RAPGEF6: variants seen among roughly 807,000 people sequenced by gnomAD.
RAPGEF6 encodes the protein PDZ domain containing guanine nucleotide exchange factor (GEF) 2.
Under a neutral mutation model 171.4 loss-of-function variants are expected in RAPGEF6, and 56 were observed. That is an observed-to-expected ratio of 0.33 (90% CI 0.26 to 0.41). RAPGEF6 has a LOEUF of 0.41. Ranked by LOEUF, RAPGEF6 falls within the 10% of genes least tolerant of loss-of-function variation. The pLI, the probability that RAPGEF6 is intolerant of heterozygous loss-of-function variation, is 1.00. For missense variants in RAPGEF6, 1,674 were observed against 1,921.4 expected (o/e 0.87, Z 2.41); for synonymous variants, 692 against 650.1 (o/e 1.06, Z -0.98).
At chr5:131,564,235 G>A (rs184798781) in intron 4 of RAPGEF6, among the ~76,000 whole-genome samples, 2 of 152,274 alleles carry the variant, frequency 1.3e-5, no homozygotes. Context: ...AAGAGATACG[G>A]GGAGAGAGAG....
At chr5:131,481,225 C>CT (rs887732156) in intron 15 of RAPGEF6, among the ~76,000 whole-genome samples, 13 of 149,020 alleles carry the variant, frequency 8.7e-5, no homozygotes, top group Non-Finnish European at 1.0e-4. Flanking sequence ...ATGCCTGGCC[C>CT]TTTTTTTTTC....
chr5:131,505,155 T>C (rs1412713453), intron 10 of RAPGEF6, among the ~76,000 whole-genome samples: 1 of 152,154 alleles, frequency 6.6e-6, no homozygotes, highest in Non-Finnish European at 1.5e-5. Flanking sequence ...CAAACCAGCA[T>C]TTATTTGGTA....
chr5:131,464,276 G>A lies in RAPGEF6; in HGVS notation c.2245C>T (p.Pro749Ser). 1 of 1,608,784 alleles carries A rather than the reference G, an allele frequency of 6.2e-7. No individual in the cohort carries two copies. The highest frequency in any genetic ancestry group is 8.5e-7 in the Non-Finnish European group (1 of 1,176,300). ...TTGAAAACTCTTATAACTTGATCAG[G>A]GATATCTACATAAATAGAAAGATAT... ...MLDFSNPSDI[P>S]DQVIRVFKVD... The change falls in exon 18 of 28, where the codon CCT (proline) becomes TCT (serine). Residue 749 changes from proline to serine, a missense_variant. Physicochemically the swap from Pro to Ser is moderately conservative, Grantham distance 74 (BLOSUM62 -1). Coordinates refer to ENST00000509018, the MANE Select transcript of RAPGEF6 (RefSeq NM_016340.6).
At chr5:131,522,812 G>A (rs977122441) in intron 6 of RAPGEF6, among the ~76,000 whole-genome samples, 1 of 152,190 alleles carries the variant, frequency 6.6e-6, no homozygotes, top group Non-Finnish European at 1.5e-5. Flanking sequence ...GCCTAGGATG[G>A]AAGGGCCATC....
chr5:131,590,593 A>C (rs1763531797), intron 4 of RAPGEF6, among the ~76,000 whole-genome samples: 1 of 152,188 alleles, frequency 6.6e-6, no homozygotes, highest in East Asian at 1.9e-4. Flanking sequence ...TCTTTCACAC[A>C]AAAGATAAAT....
intron 22 of RAPGEF6, among the ~76,000 whole-genome samples, chr5:131,444,926 GCTTTTACCTTTAA>G (rs1200363460): frequency 6.6e-6 from 1 of 152,170 alleles, no homozygotes; most frequent in Non-Finnish European, 1.5e-5. Flanking sequence ...TACTCTTTCA[GCTTTTACCTTTAA>G]CATGTACCAT....
intron 6 of RAPGEF6, among the ~76,000 whole-genome samples, chr5:131,523,305 T>A (rs1203061623): frequency 4.3e-4 from 59 of 136,382 alleles, no homozygotes; most frequent in African/African-American, 1.5e-3. Flanking sequence ...TTTTTTTTTT[T>A]ACATCTTTTT....
intron 2 of RAPGEF6, among the ~76,000 whole-genome samples, chr5:131,603,533 G>A (rs1764378056): frequency 6.6e-6 from 1 of 151,752 alleles, no homozygotes; most frequent in African/African-American, 2.4e-5. Flanking sequence ...ATATTCAGTG[G>A]CATCAACCTT....
intron 5 of RAPGEF6, among the ~76,000 whole-genome samples, chr5:131,561,281 T>C (rs1248088613): frequency 6.6e-6 from 1 of 152,208 alleles, no homozygotes; most frequent in Non-Finnish European, 1.5e-5. Flanking sequence ...CTTTTTACTT[T>C]TCTCTACTTC....
intron 4 of RAPGEF6, among the ~76,000 whole-genome samples, chr5:131,570,742 AGTAAAATACTCTCTCTATAT>A (rs1193574964): frequency 2.0e-5 from 3 of 152,170 alleles, no homozygotes; most frequent in Admixed American, 6.5e-5. Context: ...TTAAATTTTA[AGTAAAATACTCTCTCTATAT>A]GTAAAATACT....
chr5:131,440,834 C>G (rs747207033), intron 23 of RAPGEF6, among the ~76,000 whole-genome samples: 2 of 151,246 alleles, frequency 1.3e-5, no homozygotes, highest in Non-Finnish European at 2.9e-5. Flanking sequence ...AAAACCAGAG[C>G]TAACTTTGTC....
At chr5:131,538,065 CTAGTT>C (rs1478342424) in intron 6 of RAPGEF6, among the ~76,000 whole-genome samples, 1 of 152,132 alleles carries the variant, frequency 6.6e-6, no homozygotes, top group Non-Finnish European at 1.5e-5. Flanking sequence ...GCATTCTAGT[CTAGTT>C]GACAGCGAGA....
At chr5:131,510,220 C>G in intron 8 of RAPGEF6, 94 bp downstream of exon 8, 1 of 1,268,168 alleles carries the variant, frequency 7.9e-7, no homozygotes, top group South Asian at 1.5e-5. Context: ...ACACAACACA[C>G]ATTTATTAAG....
chr5:131,613,275 T>C (rs901461562), intron 1 of RAPGEF6, among the ~76,000 whole-genome samples: 7 of 152,122 alleles, frequency 4.6e-5, no homozygotes, highest in African/African-American at 1.7e-4. Flanking sequence ...CCGGGCATGG[T>C]GGCGGGCGCC....
intron 4 of RAPGEF6, among the ~76,000 whole-genome samples, chr5:131,587,849 C>T (rs1038225640): frequency 6.6e-6 from 1 of 152,194 alleles, no homozygotes; most frequent in Non-Finnish European, 1.5e-5. Flanking sequence ...GGTCCTGCCC[C>T]CTACCTGGAA....
At chr5:131,610,403 T>C (rs1764866879) in intron 1 of RAPGEF6, among the ~76,000 whole-genome samples, 1 of 152,218 alleles carries the variant, frequency 6.6e-6, no homozygotes, top group Non-Finnish European at 1.5e-5. Flanking sequence ...GTTGCCATTT[T>C]GGCAGGGATA....
At chr5:131,559,273 G>A (rs537334624) in intron 5 of RAPGEF6, among the ~76,000 whole-genome samples, 4 of 152,060 alleles carry the variant, frequency 2.6e-5, no homozygotes, top group Non-Finnish European at 5.9e-5. Context: ...AGGTTGCAGT[G>A]AGCTGAGATT....
Position 131,635,126 on chromosome 5 carries a change from AG to A in RAPGEF6, c.-97del. 1 of 1,281,574 alleles carries A rather than the reference AG, an allele frequency of 7.8e-7. No homozygotes were observed. Among genetic ancestry groups the A allele is most frequent in the South Asian group, 1.5e-5 (1 of 67,976 alleles). 79.4% of individuals were successfully genotyped at this position (1,281,574 alleles called of 1,614,324 possible). ...GGTGCGGTACCTTTCCCCCGCCCCA[AG>A]GAGGGAACTTCGCGCCGTAACAAGG... On this transcript the variant is annotated 5_prime_UTR_variant, in exon 1 of 28. Transcript: ENST00000509018.
chr5:131,493,127 C>T lies in RAPGEF6; in HGVS notation c.1528-342G>A, dbSNP rs543728893. On this transcript the variant is annotated intron_variant, in intron 13 of 27. Coordinates refer to ENST00000509018, the MANE Select transcript of RAPGEF6 (RefSeq NM_016340.6). The stretch of plus-strand genomic sequence containing the variant: ...TCGCCCAGGCTGGAGCACAGTGGCG[C>T]GATCTCGACTCACTGCAGGCTCCAC... 2.6e-4 allele frequency among the ~76,000 whole-genome samples: 39 copies of T among 152,258 alleles called. 1 individual carries two copies. Among genetic ancestry groups the T allele is most frequent in the African/African-American group, 8.7e-4 (36 of 41,552 alleles).
Sources: gnomAD v4.1 joint callset for allele counts (sites outside exome capture counted in the v4.1 genomes callset) on GRCh38, gnomAD v4.1.1 for gene constraint, MANE v1.5 for transcripts, NCBI Gene and HGNC (gene_info 2026-07-23, HGNC 2026-07-21) for gene names.